The following ASH1L variants were observed in gnomAD, a reference collection of about 807,000 sequenced individuals.
The protein encoded by ASH1L is ASH1 like histone lysine methyltransferase, also known as histone-lysine N-methyltransferase ASH1L.
ASH1L carries 23 observed loss-of-function variants against 269.0 expected under a neutral mutation model. The ratio of observed to expected loss-of-function variants is 0.09; its 90% CI spans 0.06 to 0.12. The LOEUF (loss-of-function observed/expected upper bound fraction) is 0.12. ASH1L is among the 10% of genes least tolerant of loss of function. The pLI is 1.00. For missense variants in ASH1L, 2,912 were observed against 3,567.8 expected (o/e 0.82, Z 4.68); for synonymous variants, 1,187 against 1,253.5 (o/e 0.95, Z 1.12).
intron 5 of ASH1L, among the ~76,000 whole-genome samples, chr1:155,419,159 G>T (rs1277628309): frequency 6.6e-6 from 1 of 152,122 alleles, no homozygotes; most frequent in Non-Finnish European, 1.5e-5. Flanking sequence ...CCAGCACTTT[G>T]TGTGGCTGAC....
chr1:155,379,963 G>A, intron 8 of ASH1L, 80 bp downstream of exon 8: 1 of 1,015,836 alleles, frequency 9.8e-7, no homozygotes, highest in Non-Finnish European at 1.5e-6. Context: ...ACATAACAAG[G>A]GGAGAGAAAA....
At position 155,517,046 on chromosome 1, in the gene ASH1L, A is replaced by G. The variant is rs191438656; in HGVS notation, c.420+4054T>C. ...CTACCTAAAGTGATCTGTAGATTCA[A>G]TGTAATTTCTATCAAAATCCCAACA... On this transcript the variant is annotated intron_variant, in intron 2 of 27. Transcript: ENST00000392403. Among the ~76,000 whole-genome samples the G allele has an allele frequency of 7.2e-5, 11 of 152,348 alleles. No homozygotes were observed. In the East Asian group the frequency reaches 1.9e-3, roughly 27 times the overall value.
At chr1:155,373,582 T>A (rs778989419) in intron 10 of ASH1L, among the ~76,000 whole-genome samples, 27 of 152,194 alleles carry the variant, frequency 1.8e-4, no homozygotes, top group Non-Finnish European at 3.4e-4. Flanking sequence ...CAGCATTTTG[T>A]GAGCCAATGC....
At chr1:155,502,616 T>C (rs1667588305) in intron 2 of ASH1L, among the ~76,000 whole-genome samples, 1 of 152,188 alleles carries the variant, frequency 6.6e-6, no homozygotes, top group East Asian at 1.9e-4. Context: ...ATAATTATTA[T>C]ACAATGTGCT....
At chr1:155,490,028 G>A (rs980830276) in intron 2 of ASH1L, among the ~76,000 whole-genome samples, 12 of 151,112 alleles carry the variant, frequency 7.9e-5, no homozygotes, top group Non-Finnish European at 1.8e-4. Flanking sequence ...GAGTGCAGTG[G>A]TGCCATCTCG....
At chr1:155,372,363 C>T (rs1043649149) in intron 10 of ASH1L, among the ~76,000 whole-genome samples, 16 of 151,606 alleles carry the variant, frequency 1.1e-4, no homozygotes, top group Non-Finnish European at 5.9e-5. Context: ...GGCTGGAGTG[C>T]AGTGGCTAAA....
chr1:155,352,503 A>C (rs1186610243), intron 17 of ASH1L, among the ~76,000 whole-genome samples: 1 of 151,772 alleles, frequency 6.6e-6, no homozygotes, highest in Non-Finnish European at 1.5e-5. Context: ...ACAGAAAAAG[A>C]AATGAAAAAG....
chr1:155,346,546 A>C (rs1653349651), intron 20 of ASH1L, 77 bp from the exon 21 acceptor site: 2 of 1,223,308 alleles, frequency 1.6e-6, no homozygotes, highest in African/African-American at 3.0e-5. Context: ...AGAATAAAAA[A>C]TTAGCAATAG....
intron 5 of ASH1L, among the ~76,000 whole-genome samples, chr1:155,421,317 G>GTTTTTTTTT: frequency 1.2e-5 from 1 of 85,866 alleles, no homozygotes; most frequent in South Asian, 5.5e-4. Context: ...AGTACCAACA[G>GTTTTTTTTT]TTTTTTTTTT....
chr1:155,424,561 C>A (rs1279436283), intron 5 of ASH1L, among the ~76,000 whole-genome samples: 1 of 152,048 alleles, frequency 6.6e-6, no homozygotes, highest in Non-Finnish European at 1.5e-5. Context: ...GCATGCGCCA[C>A]TACGCCGGGC....
At chr1:155,489,831 T>C (rs1318158059) in intron 2 of ASH1L, among the ~76,000 whole-genome samples, 2 of 151,278 alleles carry the variant, frequency 1.3e-5, no homozygotes, top group Non-Finnish European at 2.9e-5. Flanking sequence ...AATAAATAAA[T>C]AAATAACAAT....
At position 155,521,390 on chromosome 1, in the gene ASH1L, T is replaced by C. The variant is rs1558188569; in HGVS notation, c.130A>G (p.Lys44Glu). The change falls in exon 2 of 28, where the codon AAG becomes GAG. Residue 44 changes from lysine (K) to glutamate (E), a missense_variant. Transcript: ENST00000392403. ...KREVELEKNT[K>E]EEEDLRKRNR... ...CGTTTGCGAAGGTCCTCTTCCTCCT[T>C]TGTGTTTTTTTCTAGCTCTACTTCT... The C allele has an allele frequency of 4.3e-6, 7 of 1,614,068 alleles. No homozygotes were observed. The highest frequency in any genetic ancestry group is 1.3e-5 in the African/African-American group (1 of 74,922).
Position 155,338,377 on chromosome 1 carries a change from A to T in ASH1L, c.8515T>A (p.Ser2839Thr). The change falls in exon 27 of 28, where the codon TCT (serine) becomes ACT (threonine). Residue 2839 changes from serine to threonine, a missense_variant. By Grantham distance (58) the Ser-to-Thr change is moderately conservative. This residue lies in a region of ASH1L where 154 missense variants were observed against 165.0 expected (regional missense o/e 0.93). Transcript: ENST00000392403. ...TTTAGGGGTGGCTTTGAGCGCTCAG[A>T]CTTCCAGGATGATCTGCCAGAAGGA... ...KRNGGRSSWKSERSKPPLKDL... is the reference protein window; with the variant it reads ...KRNGGRSSWKTERSKPPLKDL... 6.2e-7 allele frequency: 1 copy of T among 1,612,062 alleles called. No individual in the cohort carries two copies. Among genetic ancestry groups the T allele is most frequent in the African/African-American group, 1.3e-5 (1 of 74,856 alleles).
At chr1:155,488,668 C>CAAAAAAA (rs371829476) in intron 2 of ASH1L, among the ~76,000 whole-genome samples, 12 of 29,192 alleles carry the variant, frequency 4.1e-4, no homozygotes, top group African/African-American at 5.8e-4. Context: ...GACTCTGTCA[C>CAAAAAAA]AAAAAAAAAA....
chr1:155,562,991 G>C (rs1372563506), upstream of ASH1L: 1 of 458,034 alleles, frequency 2.2e-6, no homozygotes, highest in South Asian at 1.5e-5. Context: ...GGGCAGGAGA[G>C]GAAGGGACGG....
chr1:155,526,376 G>A (rs1249463819), intron 1 of ASH1L, among the ~76,000 whole-genome samples: 6 of 152,050 alleles, frequency 3.9e-5, no homozygotes, highest in Non-Finnish European at 7.4e-5. Flanking sequence ...TCACATAGGT[G>A]GTTTTCTGTA....
intron 6 of ASH1L, among the ~76,000 whole-genome samples, chr1:155,399,403 G>C (rs1187679561): frequency 6.6e-6 from 1 of 152,196 alleles, no homozygotes; most frequent in Non-Finnish European, 1.5e-5. Context: ...AGCACTTTGG[G>C]AAGTAGGGGC....
rs1478380434 is a variant in ASH1L at position 155,375,093 on chromosome 1, C to T, written c.6332+3188G>A. ...CCTCCCAAAGTGTTGGGATTACAGA[C>T]GTGAGCCACTGTGCTTGGCTGGCAC... On this transcript the variant is annotated intron_variant, in intron 10 of 27. Coordinates refer to ENST00000392403, the MANE Select transcript of ASH1L (RefSeq NM_018489.3). Among the ~76,000 whole-genome samples the T allele has an allele frequency of 5.9e-5, 9 of 152,182 alleles. No homozygotes were observed. In the East Asian group the frequency reaches 7.7e-4, roughly 13 times the overall value.
Position 155,447,685 on chromosome 1 carries a change from T to C in ASH1L, c.5087-8617A>G, listed in dbSNP as rs140765052. Among the ~76,000 whole-genome samples the C allele has an allele frequency of 4.5e-3, 686 of 152,350 alleles. 5 individuals are homozygous for C. The highest frequency in any genetic ancestry group is 0.01 in the Middle Eastern group (3 of 294). On this transcript the variant is annotated intron_variant, in intron 4 of 27. Coordinates refer to ENST00000392403, the MANE Select transcript of ASH1L (RefSeq NM_018489.3). ...CTTCTTTTGAGAAATATCTCTTCAG[T>C]CTTTTGTCCATTTTTTAAACAGATT... is the stretch of plus-strand genomic sequence containing the variant.
Sources: allele counts gnomAD v4.1 joint callset (sites outside exome capture counted in the v4.1 genomes callset), GRCh38; gene constraint gnomAD v4.1.1; regional missense constraint gnomAD v4.1.1; transcripts MANE v1.5; gene names NCBI Gene and HGNC (gene_info 2026-07-23, HGNC 2026-07-21).